The following EIF4G3 variants were observed in gnomAD, a reference collection of about 807,000 sequenced individuals.
EIF4G3 encodes the protein eIF-4-gamma 3.
Under a neutral mutation model 186.4 loss-of-function variants are expected in EIF4G3, and 34 were observed. The observed-to-expected ratio is 0.18, with a 90% CI of 0.14 to 0.24. The LOEUF is 0.24. Among genes scored for constraint, EIF4G3 ranks in the 10% least tolerant of loss-of-function variants. The pLI is 1.00. For missense variants in EIF4G3, 1,536 were observed against 1,948.5 expected (o/e 0.79, Z 3.99); for synonymous variants, 673 against 679.5 (o/e 0.99, Z 0.15).
intron 4 of EIF4G3, among the ~76,000 whole-genome samples, chr1:21,041,712 AAT>A (rs1463441689): frequency 6.6e-6 from 1 of 152,228 alleles, no homozygotes; most frequent in Non-Finnish European, 1.5e-5. Flanking sequence ...TGGTTTCTGC[AAT>A]ATGTCACCTA....
intron 4 of EIF4G3, among the ~76,000 whole-genome samples, chr1:21,011,592 A>G (rs1271506128): frequency 6.6e-6 from 1 of 152,178 alleles, no homozygotes; most frequent in African/African-American, 2.4e-5. Flanking sequence ...AACCACCATT[A>G]CAGTCAAAAT....
At chr1:20,937,868 T>G (rs1262974554) in intron 14 of EIF4G3, among the ~76,000 whole-genome samples, 1 of 152,222 alleles carries the variant, frequency 6.6e-6, no homozygotes, top group Non-Finnish European at 1.5e-5. Context: ...GTTTTATGCA[T>G]TTAATTACTA....
chr1:21,075,897 T>C (rs2095575657), intron 3 of EIF4G3, among the ~76,000 whole-genome samples: 2 of 152,158 alleles, frequency 1.3e-5, no homozygotes, highest in South Asian at 2.1e-4. Context: ...ACTTGAACTA[T>C]TATTCAACTT....
Position 21,040,952 on chromosome 1 carries a change from AT to A in EIF4G3, c.-67+9913del, listed in dbSNP as rs112731832. 8.3e-3 allele frequency among the ~76,000 whole-genome samples: 1,236 copies of A among 148,080 alleles called. 13 individuals carry two copies. Among genetic ancestry groups the A allele is most frequent in the African/African-American group, 0.028 (1,129 of 40,450 alleles). On this transcript the variant is annotated intron_variant, in intron 4 of 36. Coordinates refer to ENST00000602326, the MANE Select transcript of EIF4G3 (RefSeq NM_001391906.1). ...CAGGTGTTTCTGTACCTCACTTCTG[AT>A]TTTTTTTTTTAACACTTTCCCTTTT...
chr1:20,845,765 G>A (rs1266868655), intron 29 of EIF4G3, among the ~76,000 whole-genome samples: 2 of 152,052 alleles, frequency 1.3e-5, no homozygotes, highest in Non-Finnish European at 2.9e-5. Context: ...TTTTGCTTAC[G>A]ACTGCCTTGG....
intron 1 of EIF4G3, 126 bp downstream of exon 1, chr1:21,176,596 G>T: frequency 1.2e-5 from 2 of 169,188 alleles, no homozygotes; most frequent in Admixed American, 6.5e-5. Flanking sequence ...CGCCGCCTCC[G>T]CCGCCGCCGC....
intron 2 of EIF4G3, among the ~76,000 whole-genome samples, chr1:21,165,645 T>TA (rs1357491740): frequency 6.6e-6 from 1 of 151,874 alleles, no homozygotes; most frequent in Non-Finnish European, 1.5e-5. Flanking sequence ...AGGCAGAAAA[T>TA]AGACTTGGAC....
At chr1:20,815,561 G>C (rs1234948521) in intron 34 of EIF4G3, among the ~76,000 whole-genome samples, 1 of 151,942 alleles carries the variant, frequency 6.6e-6, no homozygotes, top group Admixed American at 6.6e-5. Flanking sequence ...CCCCGTCTGA[G>C]AAGTGGGGAG....
intron 4 of EIF4G3, among the ~76,000 whole-genome samples, chr1:21,016,315 A>G (rs76506893): frequency 0.01 from 1,524 of 152,322 alleles, 17 homozygotes; most frequent in African/African-American, 0.033. Context: ...CAAAAAGAGA[A>G]TCAAAATGTG....
intron 4 of EIF4G3, among the ~76,000 whole-genome samples, chr1:21,046,568 T>C (rs938980592): frequency 5.3e-5 from 8 of 152,218 alleles, no homozygotes; most frequent in Non-Finnish European, 7.3e-5. Context: ...GGGTCAAACA[T>C]TGAGTCACAG....
intron 29 of EIF4G3, among the ~76,000 whole-genome samples, chr1:20,847,589 G>A (rs1557896420): frequency 6.6e-6 from 1 of 151,972 alleles, no homozygotes. Flanking sequence ...CTGTCTTGGC[G>A]TTTCATCTTT....
chr1:20,864,815 AAGTGT>A (rs2077199684), intron 21 of EIF4G3, 103 bp from the exon 22 acceptor site: 1 of 1,064,988 alleles, frequency 9.4e-7, no homozygotes, highest in East Asian at 2.4e-5. Flanking sequence ...ATCTGATAGC[AAGTGT>A]AGAATCTACT....
At chr1:20,817,623 T>C (rs2154545397) in intron 33 of EIF4G3, 85 bp from the exon 34 acceptor site, 1 of 808,562 alleles carries the variant, frequency 1.2e-6, no homozygotes, top group Admixed American at 3.8e-5. Context: ...AGTCATAGGT[T>C]ACGTCTTCTA....
At chr1:20,936,960 G>A (rs777154133) in intron 14 of EIF4G3, among the ~76,000 whole-genome samples, 10 of 152,104 alleles carry the variant, frequency 6.6e-5, no homozygotes, top group East Asian at 1.9e-4. Context: ...CTGAGCTTAC[G>A]AGAATATAAG....
chr1:20,899,854 G>C lies in EIF4G3; in HGVS notation c.1842C>G (p.Pro614=). Residue 614 remains proline (P), a synonymous_variant, in exon 16 of 37, where the codon CCC becomes CCG. Coordinates refer to ENST00000602326, the MANE Select transcript of EIF4G3 (RefSeq NM_001391906.1). ...CAGCTTTCACTTTTTTTAGGTCAGA[G>C]GGGTCTCTTTCAGGATGAAACCCCT... ...MSQGFHPERD[P]SDLKKVKAVE... 6.2e-7 allele frequency: 1 copy of C among 1,614,024 alleles called. No homozygotes were observed. Among genetic ancestry groups the C allele is most frequent in the Non-Finnish European group, 8.5e-7 (1 of 1,179,994 alleles).
chr1:21,001,412 A>G (rs1355528023), intron 5 of EIF4G3, 100 bp from the exon 6 acceptor site: 2 of 436,184 alleles, frequency 4.6e-6, no homozygotes, highest in African/African-American at 4.1e-5. Flanking sequence ...ATAATCAGAA[A>G]TTAGGGTTGG....
intron 2 of EIF4G3, among the ~76,000 whole-genome samples, chr1:21,114,749 T>C (rs754445334): frequency 3.3e-5 from 5 of 152,194 alleles, no homozygotes; most frequent in East Asian, 1.9e-4. Flanking sequence ...ATCAAAGATA[T>C]TAAGTGAAAA....
chr1:21,166,909 G>A (rs1417175382), intron 2 of EIF4G3, among the ~76,000 whole-genome samples: 2 of 151,868 alleles, frequency 1.3e-5, no homozygotes, highest in African/African-American at 4.8e-5. Context: ...AGCCTCCCAA[G>A]TAGCTGGGAC....
intron 2 of EIF4G3, among the ~76,000 whole-genome samples, chr1:21,108,047 T>C (rs12143798): frequency 1.2e-3 from 179 of 152,292 alleles, no homozygotes; most frequent in African/African-American, 1.4e-3. Context: ...ACTTAGGAGA[T>C]TGAAGCGGAA....
Sources: gnomAD v4.1 joint callset for allele counts (sites outside exome capture counted in the v4.1 genomes callset) on GRCh38, gnomAD v4.1.1 for gene constraint, MANE v1.5 for transcripts, NCBI Gene and HGNC (gene_info 2026-07-23, HGNC 2026-07-21) for gene names.